Variants in PCDHGA2 observed in about 807,000 individuals in gnomAD.
PCDHGA2 encodes the protein protocadherin gamma-A2.
Under a neutral mutation model 59.2 loss-of-function variants are expected in PCDHGA2, and 40 were observed. That is an observed-to-expected ratio of 0.68 (90% confidence interval 0.52 to 0.88). The LOEUF (loss-of-function observed/expected upper bound fraction) is 0.88, where lower values mean the gene tolerates loss of function less well. Among genes scored for constraint, PCDHGA2 ranks in the 40% least tolerant of loss-of-function variants. The pLI, the probability that PCDHGA2 is intolerant of heterozygous loss-of-function variation, is 0.00. For synonymous variants in PCDHGA2, 560 were observed against 526.0 expected (o/e 1.06, Z -0.89); for missense variants, 1,226 against 1,204.0 (o/e 1.02, Z -0.27).
chr5:141,361,703 A>G, intron 1 of PCDHGA2: 1 of 1,613,388 alleles, frequency 6.2e-7, no homozygotes, highest in East Asian at 2.2e-5. Flanking sequence ...TTCGATCATG[A>G]GCAGCTGCGC....
rs138608867 is a variant in PCDHGA2 at position 141,477,655 on chromosome 5, T to C, written c.2425-17152T>C. 5.0e-3 allele frequency: 8,034 copies of C among 1,614,186 alleles called. 44 individuals carry two copies. The highest frequency in any genetic ancestry group is 9.4e-3 in the Admixed American group (567 of 60,020). On this transcript the variant is annotated intron_variant, in intron 1 of 3. Coordinates refer to ENST00000394576, the MANE Select transcript of PCDHGA2 (RefSeq NM_018915.4). The surrounding 1 kb of genome is among the most constrained non-coding windows in gnomAD (Gnocchi z 4.9). ...TAGTGGGTCGCTATTTCACAATAAA[T>C]CGTGACAATGGCATAGTGTCATCCT...
At chr5:141,400,189 C>G (rs376855933) in intron 1 of PCDHGA2, 2 of 1,614,056 alleles carry the variant, frequency 1.2e-6, no homozygotes, top group Non-Finnish European at 1.7e-6. Flanking sequence ...GCAGTTTTAC[C>G]TAGTGGTGGC....
chr5:141,409,172 G>C (rs574905228), intron 1 of PCDHGA2: 1 of 1,614,006 alleles, frequency 6.2e-7, no homozygotes, highest in Non-Finnish European at 8.5e-7. Context: ...AGCGAAGGAC[G>C]GAGGTGGTCT....
intron 1 of PCDHGA2, chr5:141,415,888 T>C: frequency 1.1e-6 from 1 of 940,220 alleles, no homozygotes; most frequent in South Asian, 2.9e-5. Flanking sequence ...ATATTGACAA[T>C]TCCTAAGACA....
In PCDHGA2 at chr5:141,431,059, C is replaced by G. The variant is rs367774626; in HGVS notation, c.2425-63748C>G. ...GGGAGGAGCTCTGTATGGGGGCCAT[C>G]AAGTGTCAATTAAATCTAGACATTC... On this transcript the variant is annotated intron_variant, in intron 1 of 3. Coordinates refer to ENST00000394576, the MANE Select transcript of PCDHGA2 (RefSeq NM_018915.4). This position sits in a 1 kb window ranked among gnomAD's most constrained non-coding sequence, Gnocchi z 4.8. 1 of 1,614,136 alleles carries G rather than the reference C, an allele frequency of 6.2e-7. No individual in the cohort carries two copies.
chr5:141,487,361 A>C lies in PCDHGA2; in HGVS notation c.2425-7446A>C. On this transcript the variant is annotated intron_variant, in intron 1 of 3. Transcript: ENST00000394576. This position sits in a 1 kb window ranked among gnomAD's most constrained non-coding sequence, Gnocchi z 5.0. ...TGGAGTCACATGCTTTCCTGCTGGC[A>C]CCTGTGCCTGTCTCACCAGATCTCG... The C allele has an allele frequency of 1.2e-6, 2 of 1,613,834 alleles. No individual in the cohort carries two copies. Among genetic ancestry groups the C allele is most frequent in the East Asian group, 2.2e-5 (1 of 44,860 alleles).
intron 1 of PCDHGA2, chr5:141,420,985 C>T (rs1371634966): frequency 4.1e-6 from 2 of 487,950 alleles, no homozygotes; most frequent in African/African-American, 4.0e-5. Flanking sequence ...GGGCTCTAGG[C>T]GCCGCTGCTC....
rs1468210173 is a variant in PCDHGA2 at position 141,512,170 on chromosome 5, A to T, written c.*997A>T. 1 of 152,720 alleles carries T rather than the reference A, an allele frequency of 6.5e-6. No homozygotes were observed. The highest frequency in any genetic ancestry group is 1.5e-5 in the Non-Finnish European group (1 of 68,120). The allele number at this position is 152,720 out of a possible 1,614,324, so 9.5% of individuals were successfully genotyped here. On this transcript the variant is annotated 3_prime_UTR_variant, in exon 4 of 4. Coordinates refer to ENST00000394576, the MANE Select transcript of PCDHGA2 (RefSeq NM_018915.4). ...TGGGCTGAGCTAACAGGACCAATGG[A>T]TTAAACTGGCATTTCAGTCCAAGGA...
Position 141,366,606 on chromosome 5 carries a change from T to A in PCDHGA2, c.2424+25211T>A, listed in dbSNP as rs545823772. The A allele has an allele frequency of 3.5e-5, 56 of 1,614,226 alleles. No homozygotes were observed. The Admixed American group carries it at 6.5e-4, about 19-fold the overall frequency. The stretch of plus-strand genomic sequence containing the variant: ...CAGACCTATTCCCACGAGGTCTCCC[T>A]CACCGCGGACTCGAGGAAGAGTCAC... On this transcript the variant is annotated intron_variant, in intron 1 of 3. Transcript: ENST00000394576.
chr5:141,504,728 G>A (rs978910481), intron 2 of PCDHGA2, among the ~76,000 whole-genome samples: 5 of 151,522 alleles, frequency 3.3e-5, no homozygotes, highest in African/African-American at 9.7e-5. Context: ...TACTCTGAGG[G>A]CTTAGGAAGC....
chr5:141,381,932 C>T lies in PCDHGA2; in HGVS notation c.2424+40537C>T, dbSNP rs1205042648. Among the ~76,000 whole-genome samples the T allele has an allele frequency of 2.1e-5, 3 of 144,772 alleles. No homozygotes were observed. The Admixed American group carries it at 2.2e-4, about 11-fold the overall frequency. The allele number at this position is 144,772 out of a possible 152,430, so 95.0% of individuals were successfully genotyped here. A position where few individuals can be genotyped will look rare whatever the true frequency, so the allele number is the denominator to read the frequency against. ...ACAACCTCCACCTCCCGGGTTCAAG[C>T]GATTTTCCTGCCTCAGCCTCCTGAG... is the stretch of plus-strand genomic sequence containing the variant. On this transcript the variant is annotated intron_variant, in intron 1 of 3. Transcript: ENST00000394576.
At position 141,477,498 on chromosome 5, in the gene PCDHGA2, C is replaced by T. The variant is rs754212608; in HGVS notation, c.2425-17309C>T. ...AACCCTCCACAATCTTCTCAATCTT[C>T]CTACGACGTTTACATTGAAGAAAAC... On this transcript the variant is annotated intron_variant, in intron 1 of 3. Coordinates refer to ENST00000394576, the MANE Select transcript of PCDHGA2 (RefSeq NM_018915.4). The surrounding 1 kb of genome is among the most constrained non-coding windows in gnomAD (Gnocchi z 4.9). 3.7e-6 allele frequency: 6 copies of T among 1,614,038 alleles called. No individual in the cohort carries two copies. The highest frequency in any genetic ancestry group is 5.1e-6 in the Non-Finnish European group (6 of 1,180,038).
Position 141,486,344 on chromosome 5 carries a change from G to C in PCDHGA2, c.2425-8463G>C. 6.2e-7 allele frequency: 1 copy of C among 1,614,062 alleles called. No homozygotes were observed. The highest frequency in any genetic ancestry group is 8.5e-7 in the Non-Finnish European group (1 of 1,180,022). On this transcript the variant is annotated intron_variant, in intron 1 of 3. Transcript: ENST00000394576. The surrounding 1 kb of genome is among the most constrained non-coding windows in gnomAD (Gnocchi z 5.0). Reference sequence around the variant, plus strand: ...CGGAGATGTGAGCCTCCGCATTCCTGACCACTTGCCATTTGCCCTCAAGTC... The same window carrying C: ...CGGAGATGTGAGCCTCCGCATTCCTCACCACTTGCCATTTGCCCTCAAGTC...
In PCDHGA2 at chr5:141,491,638, G is replaced by A. The variant is rs2099723160; in HGVS notation, c.2425-3169G>A. The A allele has an allele frequency of 6.2e-7, 1 of 1,613,898 alleles. No individual in the cohort carries two copies. The highest frequency in any genetic ancestry group is 1.3e-5 in the African/African-American group (1 of 75,074). ...ACCCCTCAGCGTTCAGCAGCCCACA[G>A]CTCTGGCGCTGGAGCCTGACGCCAT... On this transcript the variant is annotated intron_variant, in intron 1 of 3. Coordinates refer to ENST00000394576, the MANE Select transcript of PCDHGA2 (RefSeq NM_018915.4). The surrounding 1 kb of genome is among the most constrained non-coding windows in gnomAD (Gnocchi z 6.9).
At chr5:141,495,400 C>T (rs554849650) in intron 2 of PCDHGA2, among the ~76,000 whole-genome samples, 4 of 152,278 alleles carry the variant, frequency 2.6e-5, no homozygotes, top group Non-Finnish European at 1.5e-5. Flanking sequence ...ATGGAGCAGG[C>T]CCCCTTCTCC....
intron 1 of PCDHGA2, among the ~76,000 whole-genome samples, chr5:141,474,143 TATC>T (rs1371874237): frequency 1.3e-5 from 2 of 152,188 alleles, no homozygotes; most frequent in Non-Finnish European, 2.9e-5. Context: ...CAGGCCTTAT[TATC>T]AAGAAAATGA....
At chr5:141,376,426 C>T in intron 1 of PCDHGA2, 1 of 1,614,230 alleles carries the variant, frequency 6.2e-7, no homozygotes, top group Non-Finnish European at 8.5e-7. Context: ...CGCTTATCAA[C>T]CAGGAGAGCT....
chr5:141,484,591 T>C (rs2099597977), intron 1 of PCDHGA2, among the ~76,000 whole-genome samples: 1 of 152,020 alleles, frequency 6.6e-6, no homozygotes, highest in African/African-American at 2.4e-5. Flanking sequence ...AAGCTACTCA[T>C]TTAGAATACT....
intron 1 of PCDHGA2, among the ~76,000 whole-genome samples, chr5:141,443,829 A>G (rs1387307023): frequency 6.6e-6 from 1 of 152,228 alleles, no homozygotes; most frequent in Non-Finnish European, 1.5e-5. Flanking sequence ...ATAATTAGGT[A>G]AAATGGGTAA....
Sources: gnomAD v4.1 joint callset for allele counts (sites outside exome capture counted in the v4.1 genomes callset) on GRCh38, gnomAD v4.1.1 for gene constraint, Gnocchi (gnomAD v3.1) non-coding constraint, MANE v1.5 for transcripts, NCBI Gene and HGNC (gene_info 2026-07-23, HGNC 2026-07-21) for gene names.